Variants in PTDSS1 observed in about 807,000 individuals in gnomAD.
PTDSS1 encodes phosphatidylserine synthase 1, also known as PSS-1.
Under a neutral mutation model 70.5 loss-of-function variants are expected in PTDSS1, and 45 were observed. The observed-to-expected ratio is 0.64, with a 90% confidence interval of 0.50 to 0.82. The LOEUF is 0.82. Ranked by LOEUF, PTDSS1 falls within the 40% of genes least tolerant of loss-of-function variation. The probability of loss-of-function intolerance (pLI) is 0.00; values close to 1 mark genes in which losing one functional copy is unlikely to be tolerated. For missense variants in PTDSS1, 417 were observed against 586.1 expected, an observed-to-expected ratio of 0.71 and a Z score of 2.98; for synonymous variants, 188 against 203.8, an observed-to-expected ratio of 0.92 and a Z score of 0.66.
intron 6 of PTDSS1, among the ~76,000 whole-genome samples, chr8:96,301,286 G>A (rs575154932): frequency 7.2e-5 from 11 of 151,840 alleles, no homozygotes; most frequent in Non-Finnish European, 1.3e-4. Context: ...AGTAGAGATG[G>A]GGTTTCACCA....
chr8:96,299,652 G>C (rs1217134712), intron 5 of PTDSS1, 42 bp from the exon 6 acceptor site: 1 of 1,559,462 alleles, frequency 6.4e-7, no homozygotes, highest in Admixed American at 2.1e-5. Flanking sequence ...TGGTACCCCA[G>C]TTTTGTTTAT....
At chr8:96,274,662 T>C (rs1586183148) in intron 2 of PTDSS1, among the ~76,000 whole-genome samples, 1 of 152,074 alleles carries the variant, frequency 6.6e-6, no homozygotes, top group Non-Finnish European at 1.5e-5. Flanking sequence ...GAGGCGGAGG[T>C]TGCGGTGAGC....
intron 9 of PTDSS1, among the ~76,000 whole-genome samples, chr8:96,316,828 AC>A (rs1237910694): frequency 3.3e-5 from 5 of 151,974 alleles, no homozygotes; most frequent in Non-Finnish European, 7.4e-5. Context: ...CTCCATCTCT[AC>A]TAAAAATACA....
At chr8:96,290,065 A>G (rs552507933) in intron 4 of PTDSS1, among the ~76,000 whole-genome samples, 1 of 152,300 alleles carries the variant, frequency 6.6e-6, no homozygotes, top group South Asian at 2.1e-4. Flanking sequence ...CTAGATGTTC[A>G]TATCACCATT....
At chr8:96,299,547 A>T in intron 5 of PTDSS1, 147 bp from the exon 6 acceptor site, 1 of 811,878 alleles carries the variant, frequency 1.2e-6, no homozygotes, top group Non-Finnish European at 1.9e-6. Context: ...AGAACCTGTT[A>T]CTGTTGGTTA....
Position 96,334,176 on chromosome 8 carries a change from T to C in PTDSS1, c.*610T>C, listed in dbSNP as rs1811563090. 5.0e-6 allele frequency: 1 copy of C among 198,880 alleles called. No homozygotes were observed. The highest frequency in any genetic ancestry group is 2.3e-5 in the African/African-American group (1 of 42,894). 12.3% of individuals were successfully genotyped at this position (198,880 alleles called of 1,614,324 possible). A position where few individuals can be genotyped will look rare whatever the true frequency, so the allele number is the denominator to read the frequency against. Reference sequence around the variant, plus strand: ...AGAGAGGTGTTGTATTCCTGTTTGGTAACCTCAGTCTCCTGTAAGACCTCC... The same window carrying C: ...AGAGAGGTGTTGTATTCCTGTTTGGCAACCTCAGTCTCCTGTAAGACCTCC... On this transcript the variant is annotated 3_prime_UTR_variant, in exon 13 of 13. Transcript: ENST00000517309.
chr8:96,333,305 G>C (rs952495883), intron 12 of PTDSS1, 152 bp from the exon 13 acceptor site: 2 of 705,774 alleles, frequency 2.8e-6, no homozygotes, highest in Non-Finnish European at 4.9e-6. Context: ...CTGTGTTTGA[G>C]AGCCTCGCCT....
intron 12 of PTDSS1, among the ~76,000 whole-genome samples, chr8:96,332,094 T>A (rs903720642): frequency 5.3e-4 from 79 of 150,222 alleles, no homozygotes; most frequent in Non-Finnish European, 1.8e-4. Flanking sequence ...GGGGGATCAT[T>A]TTAATGGCAT....
chr8:96,322,285 T>C (rs1409125018), intron 10 of PTDSS1, among the ~76,000 whole-genome samples: 1 of 152,172 alleles, frequency 6.6e-6, no homozygotes, highest in Non-Finnish European at 1.5e-5. Flanking sequence ...TACCATGGGC[T>C]TGGTAATTTA....
intron 1 of PTDSS1, among the ~76,000 whole-genome samples, chr8:96,266,051 C>A (rs1810481452): frequency 6.6e-6 from 1 of 152,302 alleles, no homozygotes; most frequent in East Asian, 1.9e-4. Flanking sequence ...CTATAAGATA[C>A]CCTCATATTT....
At chr8:96,323,378 C>G (rs1408593353) in intron 10 of PTDSS1, among the ~76,000 whole-genome samples, 1 of 152,248 alleles carries the variant, frequency 6.6e-6, no homozygotes, top group Non-Finnish European at 1.5e-5. Flanking sequence ...GCCTAGACTT[C>G]TAGGCAGTTC....
chr8:96,333,505 C>T lies in PTDSS1; in HGVS notation c.1361C>T (p.Ser454Phe). The part of the protein sequence containing the change: ...PKHAGNNESH[S>F]SRRRNRHSKS... ...CATGCAGGCAACAACGAAAGCCATT[C>T]TTCCAGGAGAAGGAATCGGCATTCC... Residue 454 changes from serine to phenylalanine, a missense_variant, in exon 13 of 13, where the codon TCT becomes TTT. Ser to Phe is a radical substitution (Grantham distance 155, BLOSUM62 -2). Around this residue, in one of 3 missense-constraint regions of PTDSS1, gnomAD observed 107 missense variants for 122.3 expected, o/e 0.88. Transcript: ENST00000517309. 1 of 1,614,092 alleles carries T rather than the reference C, an allele frequency of 6.2e-7. No individual in the cohort carries two copies. The highest frequency in any genetic ancestry group is 8.5e-7 in the Non-Finnish European group (1 of 1,179,984).
chr8:96,275,558 C>T (rs1810629069), intron 2 of PTDSS1, among the ~76,000 whole-genome samples: 1 of 152,160 alleles, frequency 6.6e-6, no homozygotes, highest in South Asian at 2.1e-4. Flanking sequence ...TGTAGACCCT[C>T]CTCTCCTTCA....
At position 96,335,091 on chromosome 8, in the gene PTDSS1, A is replaced by G. The variant is rs1811576401; in HGVS notation, c.*1525A>G. On this transcript the variant is annotated 3_prime_UTR_variant, in exon 13 of 13. Transcript: ENST00000517309. ...GCGGGAGTGGAGAAGCGTCAGTGGC[A>G]GCTCCGCTCACTTGGTGAGTGAGGG... 6.6e-6 allele frequency: 1 copy of G among 152,154 alleles called. No individual in the cohort carries two copies. Among genetic ancestry groups the G allele is most frequent in the African/African-American group, 2.4e-5 (1 of 41,434 alleles). 9.4% of individuals were successfully genotyped at this position (152,154 alleles called of 1,614,324 possible).
intron 1 of PTDSS1, among the ~76,000 whole-genome samples, chr8:96,263,679 C>T (rs1810446931): frequency 6.6e-6 from 1 of 152,114 alleles, no homozygotes; most frequent in African/African-American, 2.4e-5. Context: ...ATTGGGTAGT[C>T]ACAAGGATTG....
chr8:96,316,031 A>G (rs952915842), intron 9 of PTDSS1, among the ~76,000 whole-genome samples: 2 of 152,128 alleles, frequency 1.3e-5, no homozygotes, highest in Non-Finnish European at 2.9e-5. Context: ...GTCTTGGTAG[A>G]AAAGTAATGT....
chr8:96,287,397 G>C (rs530658262), intron 4 of PTDSS1: 1 of 450,056 alleles, frequency 2.2e-6, no homozygotes, highest in East Asian at 3.8e-5. Context: ...ACAGCCTTGG[G>C]TGTGAATTCT....
intron 12 of PTDSS1, among the ~76,000 whole-genome samples, chr8:96,332,053 T>C (rs1177890223): frequency 6.9e-6 from 1 of 143,936 alleles, no homozygotes; most frequent in Non-Finnish European, 1.5e-5. Context: ...AAAAAGGTAC[T>C]GTGTATCAGG....
At chr8:96,273,428 T>G in intron 2 of PTDSS1, 38 bp downstream of exon 2, 1 of 1,483,644 alleles carries the variant, frequency 6.7e-7, no homozygotes, top group Non-Finnish European at 9.2e-7. Flanking sequence ...TCTCCTATAT[T>G]GTGCCTTTCT....
Sources: allele counts gnomAD v4.1 joint callset (sites outside exome capture counted in the v4.1 genomes callset), GRCh38; gene constraint gnomAD v4.1.1; regional missense constraint gnomAD v4.1.1; transcripts MANE v1.5; gene names NCBI Gene and HGNC (gene_info 2026-07-23, HGNC 2026-07-21).